Variants in DARS1 observed in about 807,000 individuals in gnomAD.
DARS1 encodes the protein aspartyl-tRNA synthetase 1.
DARS1 carries 51 observed loss-of-function variants against 68.8 expected under a neutral mutation model. The observed-to-expected ratio is 0.74, with a 90% confidence interval of 0.59 to 0.94. The LOEUF is 0.94. Ranked by LOEUF, DARS1 falls within the 40% of genes least tolerant of loss-of-function variation. DARS1 has a pLI of 0.00. For synonymous variants in DARS1, 203 were observed against 190.4 expected (o/e 1.07, Z -0.55); for missense variants, 607 against 597.3 (o/e 1.02, Z -0.17).
In DARS1 at chr2:135,961,527, A is replaced by G. The variant is rs150031584; in HGVS notation, c.218-29T>C. On this transcript the variant is annotated intron_variant, in intron 3 of 15. Coordinates refer to ENST00000264161, the MANE Select transcript of DARS1 (RefSeq NM_001349.4). Reference sequence around the variant, plus strand: ...AAAAAGACAGAAAGAACACAAATGTATTAAGGACACGCAACTTCAGGTTTT... The same window carrying G: ...AAAAAGACAGAAAGAACACAAATGTGTTAAGGACACGCAACTTCAGGTTTT... 9.5e-6 allele frequency: 10 copies of G among 1,048,186 alleles called. No homozygotes were observed. In the African/African-American group the frequency reaches 1.1e-4, roughly 11 times the overall value. 64.9% of individuals were successfully genotyped at this position (1,048,186 alleles called of 1,614,324 possible).
At chr2:135,954,711 AAAT>A (rs1681926024) in intron 4 of DARS1, among the ~76,000 whole-genome samples, 1 of 152,176 alleles carries the variant, frequency 6.6e-6, no homozygotes, top group South Asian at 2.1e-4. Flanking sequence ...TAAATATTAA[AAAT>A]AATATTTCAC....
At chr2:135,959,319 G>C (rs1682046606) in intron 4 of DARS1, among the ~76,000 whole-genome samples, 2 of 143,374 alleles carry the variant, frequency 1.4e-5, no homozygotes, top group South Asian at 4.5e-4. Context: ...GCTTGAACCG[G>C]GTAGGAGGTT....
chr2:135,985,680 G>T, upstream of DARS1: 1 of 1,267,394 alleles, frequency 7.9e-7, no homozygotes, highest in Non-Finnish European at 1.1e-6. Context: ...CGCGCGCAGG[G>T]TCTCCTCCCA....
chr2:135,937,384 A>C (rs939517117), intron 5 of DARS1, among the ~76,000 whole-genome samples: 1 of 152,126 alleles, frequency 6.6e-6, no homozygotes, highest in Admixed American at 6.5e-5. Flanking sequence ...TAATCCTGAG[A>C]AAAAAACAGA....
intron 13 of DARS1, 167 bp from the exon 14 acceptor site, chr2:135,911,660 TTTTC>T: frequency 5.7e-6 from 3 of 522,288 alleles, no homozygotes; most frequent in African/African-American, 2.0e-5. Flanking sequence ...CTGAATAACT[TTTTC>T]TTTGTTTATA....
rs1477900103 is a variant in DARS1, at chr2:135,983,443, T to C, written c.78A>G (p.Lys26=). The C allele has an allele frequency of 1.7e-6, 2 of 1,187,734 alleles. No individual in the cohort carries two copies. The allele number at this position is 1,187,734 out of a possible 1,614,324, so 73.6% of individuals were successfully genotyped here. A position where few individuals can be genotyped will look rare whatever the true frequency, so the allele number is the denominator to read the frequency against. Residue 26 remains lysine (K), a synonymous_variant, in exon 2 of 16, where the codon AAA becomes AAG. Coordinates refer to ENST00000264161, the MANE Select transcript of DARS1 (RefSeq NM_001349.4). The part of the protein sequence containing the change: ...EIMDAAEDYA[K]ERYGISSMIQ... The stretch of plus-strand genomic sequence containing the variant: ...TCATTGAAGATATTCCATATCTCTC[T>C]TTAGCATAATCCTACAAAAAAAGTT...
rs1198405764 is a variant in DARS1 at position 135,912,228 on chromosome 2, AG to A, written c.1230+257del. 8.5e-5 allele frequency among the ~76,000 whole-genome samples: 13 copies of A among 152,370 alleles called. No individual in the cohort carries two copies. In the East Asian group the frequency reaches 2.5e-3, roughly 29 times the overall value. ...TAGTAGTACTATTTATAATTTACAT[AG>A]TCTTTCTCTCTCATAAATCTTCAGA... is the stretch of plus-strand genomic sequence containing the variant. On this transcript the variant is annotated intron_variant, in intron 13 of 15. Coordinates refer to ENST00000264161, the MANE Select transcript of DARS1 (RefSeq NM_001349.4).
At chr2:135,958,920 TTA>T (rs755991089) in intron 4 of DARS1, among the ~76,000 whole-genome samples, 1 of 152,086 alleles carries the variant, frequency 6.6e-6, no homozygotes, top group Non-Finnish European at 1.5e-5. Context: ...CATTGCTACT[TTA>T]TATAAAGTCC....
At chr2:135,925,643 T>C (rs960318680) in intron 7 of DARS1, among the ~76,000 whole-genome samples, 31 of 152,230 alleles carry the variant, frequency 2.0e-4, no homozygotes, top group African/African-American at 6.8e-4. Context: ...TAGTTTCTCA[T>C]AAAACAATAA....
intron 4 of DARS1, among the ~76,000 whole-genome samples, chr2:135,953,127 G>A (rs570205819): frequency 6.6e-6 from 1 of 152,238 alleles, no homozygotes; most frequent in African/African-American, 2.4e-5. Flanking sequence ...GAATGCGTAT[G>A]TCACATAGCA....
At chr2:135,957,054 C>A (rs949954184) in intron 4 of DARS1, among the ~76,000 whole-genome samples, 4 of 151,944 alleles carry the variant, frequency 2.6e-5, no homozygotes, top group African/African-American at 9.7e-5. Flanking sequence ...TGTGACCAAC[C>A]GCGCCCGGCC....
chr2:135,985,330 C>G, intron 1 of DARS1, 73 bp downstream of exon 1: 2 of 1,558,268 alleles, frequency 1.3e-6, no homozygotes, highest in Non-Finnish European at 1.7e-6. Context: ...GGCCCCACTC[C>G]CCCTCCTCCC....
intron 3 of DARS1, among the ~76,000 whole-genome samples, chr2:135,971,409 C>T (rs895603964): frequency 6.6e-6 from 1 of 152,028 alleles, no homozygotes; most frequent in Admixed American, 6.6e-5. Context: ...GATAAAAACC[C>T]CCCAAAAACT....
At chr2:135,923,877 C>T (rs531543637) in intron 8 of DARS1, among the ~76,000 whole-genome samples, 177 of 151,984 alleles carry the variant, frequency 1.2e-3, no homozygotes, top group Non-Finnish European at 2.0e-3. Context: ...ATTGGCTCGG[C>T]GTGGTGGTGC....
chr2:135,907,887 A>G (rs1680822239), intron 15 of DARS1, among the ~76,000 whole-genome samples: 1 of 152,186 alleles, frequency 6.6e-6, no homozygotes, highest in African/African-American at 2.4e-5. Flanking sequence ...GGAGTACATT[A>G]TTATACTAAG....
intron 7 of DARS1, among the ~76,000 whole-genome samples, chr2:135,928,395 CT>C (rs536657078): frequency 3.0e-4 from 44 of 146,738 alleles, no homozygotes; most frequent in Admixed American, 4.8e-4. Flanking sequence ...TTATGTAGAA[CT>C]TTTTTTTTTT....
intron 5 of DARS1, among the ~76,000 whole-genome samples, chr2:135,937,051 G>A (rs538224240): frequency 6.6e-6 from 1 of 152,174 alleles, no homozygotes; most frequent in African/African-American, 2.4e-5. Context: ...AACTGGCAGG[G>A]TTATTTCAAT....
intron 12 of DARS1, among the ~76,000 whole-genome samples, 165 bp from the exon 13 acceptor site, chr2:135,912,731 C>T (rs1246636006): frequency 1.3e-5 from 2 of 152,018 alleles, no homozygotes; most frequent in Non-Finnish European, 2.9e-5. Context: ...TATCCTACAG[C>T]ATTTTGCCAT....
intron 9 of DARS1, 37 bp from the exon 10 acceptor site, chr2:135,920,637 G>A: frequency 6.6e-7 from 1 of 1,517,668 alleles, no homozygotes; most frequent in South Asian, 1.3e-5. Context: ...AGCAAACACT[G>A]ATTTCAATTT....
Sources: allele counts gnomAD v4.1 joint callset (sites outside exome capture counted in the v4.1 genomes callset), GRCh38; gene constraint gnomAD v4.1.1; transcripts MANE v1.5; gene names NCBI Gene and HGNC (gene_info 2026-07-23, HGNC 2026-07-21).